Variants in BICD1 observed in about 807,000 individuals in gnomAD.
BICD1 encodes the protein protein bicaudal D homolog 1.
BICD1 carries 35 observed loss-of-function variants against 92.5 expected under a neutral mutation model. That is an observed-to-expected ratio of 0.38 (90% CI 0.29 to 0.50). The LOEUF is 0.50. Among genes scored for constraint, BICD1 ranks in the 20% least tolerant of loss-of-function variants. The pLI, the probability that BICD1 is intolerant of heterozygous loss-of-function variation, is 0.93. For synonymous variants in BICD1, 429 were observed against 465.1 expected, an observed-to-expected ratio of 0.92 and a Z score of 1.00; for missense variants, 950 against 1,189.8, an observed-to-expected ratio of 0.80 and a Z score of 2.97.
intron 1 of BICD1, among the ~76,000 whole-genome samples, chr12:32,116,621 G>C (rs1213373903): frequency 1.3e-5 from 2 of 151,410 alleles, no homozygotes; most frequent in Admixed American, 6.6e-5. Flanking sequence ...ACAGGTTCAA[G>C]TAATCCTCCC....
chr12:32,242,652 G>C (rs1946268746), intron 2 of BICD1, among the ~76,000 whole-genome samples: 1 of 152,102 alleles, frequency 6.6e-6, no homozygotes, highest in Non-Finnish European at 1.5e-5. Context: ...TTTGTTTTTA[G>C]AGCTTAATCC....
At chr12:32,356,497 T>TA (rs1471687260) in intron 8 of BICD1, among the ~76,000 whole-genome samples, 2 of 151,744 alleles carry the variant, frequency 1.3e-5, no homozygotes, top group African/African-American at 4.8e-5. Flanking sequence ...ACAAAAGTTT[T>TA]AAAAAATTAG....
chr12:32,232,472 C>T (rs10844155), intron 2 of BICD1, among the ~76,000 whole-genome samples: 61,514 of 145,934 alleles, frequency 0.42, 13,292 homozygotes, highest in Middle Eastern at 0.49. Flanking sequence ...GAGTTCATTG[C>T]AGATTCTGGA....
intron 2 of BICD1, among the ~76,000 whole-genome samples, chr12:32,292,694 C>T (rs1302202656): frequency 1.3e-5 from 2 of 152,042 alleles, no homozygotes; most frequent in East Asian, 3.9e-4. Flanking sequence ...TTATTTTTTT[C>T]GCATATGGAT....
intron 2 of BICD1, among the ~76,000 whole-genome samples, chr12:32,241,528 A>G (rs1002207587): frequency 1.3e-5 from 2 of 152,172 alleles, no homozygotes; most frequent in Admixed American, 1.3e-4. Flanking sequence ...TAAGGGAAGT[A>G]TTATTAATTA....
At chr12:32,356,181 G>A (rs79631111) in intron 8 of BICD1, among the ~76,000 whole-genome samples, 305 of 152,248 alleles carry the variant, frequency 2.0e-3, no homozygotes, top group East Asian at 0.019. Flanking sequence ...GGTATTTAAT[G>A]TTCTCACTTA....
intron 1 of BICD1, among the ~76,000 whole-genome samples, chr12:32,158,410 A>G (rs1451603248): frequency 6.6e-6 from 1 of 152,140 alleles, no homozygotes; most frequent in African/African-American, 2.4e-5. Flanking sequence ...GCCTGGCCCA[A>G]GCCCAGGAAT....
chr12:32,330,573 T>TAA (rs1280362484), intron 5 of BICD1, among the ~76,000 whole-genome samples: 2 of 138,434 alleles, frequency 1.4e-5, no homozygotes, highest in East Asian at 3.1e-4. Flanking sequence ...TAAAGTAAAT[T>TAA]AAAATATATA....
At chr12:32,242,304 T>A (rs974901279) in intron 2 of BICD1, among the ~76,000 whole-genome samples, 6 of 147,856 alleles carry the variant, frequency 4.1e-5, no homozygotes, top group Non-Finnish European at 7.4e-5. Context: ...GGCAGGTGGA[T>A]CGCTTGAGGT....
Position 32,327,940 on chromosome 12 carries a change from C to A in BICD1, c.1485C>A (p.Asn495Lys). 6.2e-7 allele frequency: 1 copy of A among 1,614,106 alleles called. No individual in the cohort carries two copies. The highest frequency in any genetic ancestry group is 8.5e-7 in the Non-Finnish European group (1 of 1,180,020). ...TGCAAAAGATGACCAGCATAGCCAA[C>A]GAAAATCACAGTACCCTTAATACGG... Reference protein sequence around the residue: ...KELQKMTSIANENHSTLNTAQ... With the variant: ...KELQKMTSIAKENHSTLNTAQ... The change falls in exon 5 of 10, where the codon AAC becomes AAA. Residue 495 changes from asparagine to lysine, a missense_variant. By Grantham distance (94) the Asn-to-Lys change is moderately conservative. This residue lies in a region of BICD1 where 309 missense variants were observed against 499.4 expected (regional missense o/e 0.62). Transcript: ENST00000652176.
intron 1 of BICD1, among the ~76,000 whole-genome samples, chr12:32,170,704 A>T (rs1282478871): frequency 6.6e-6 from 1 of 152,194 alleles, no homozygotes; most frequent in Non-Finnish European, 1.5e-5. Flanking sequence ...TGGAGCATTG[A>T]ATTTCAGAGT....
At chr12:32,269,991 A>AC (rs1227336198) in intron 2 of BICD1, among the ~76,000 whole-genome samples, 3 of 151,786 alleles carry the variant, frequency 2.0e-5, no homozygotes, top group African/African-American at 7.3e-5. Flanking sequence ...GCGTGGTGGC[A>AC]CGTACCTATA....
At chr12:32,201,150 G>T (rs1300636367) in intron 1 of BICD1, among the ~76,000 whole-genome samples, 1 of 152,232 alleles carries the variant, frequency 6.6e-6, no homozygotes, top group East Asian at 1.9e-4. Flanking sequence ...TTTCCTGAAA[G>T]AAAATCTCCT....
At chr12:32,264,176 T>G (rs997205415) in intron 2 of BICD1, among the ~76,000 whole-genome samples, 2 of 152,346 alleles carry the variant, frequency 1.3e-5, no homozygotes, top group Admixed American at 6.5e-5. Context: ...AGTAAATGAA[T>G]TATTATGTAC....
Position 32,318,151 on chromosome 12 carries a change from C to T in BICD1, c.1006-9310C>T, listed in dbSNP as rs1284897126. 3.3e-5 allele frequency among the ~76,000 whole-genome samples: 5 copies of T among 152,092 alleles called. No individual in the cohort carries two copies. The East Asian group carries it at 9.6e-4, about 29-fold the overall frequency. On this transcript the variant is annotated intron_variant, in intron 4 of 9. Transcript: ENST00000652176. ...AGTTTGAAGTCAGGTAGCCTGATGC[C>T]TCCAGCTTTGTTCTTTTGGCTTAGG...
At chr12:32,177,807 A>T (rs139459486) in intron 1 of BICD1, among the ~76,000 whole-genome samples, 7 of 111,596 alleles carry the variant, frequency 6.3e-5, no homozygotes, top group Non-Finnish European at 9.9e-5. Context: ...ATAAATATTT[A>T]TATAAAATAT....
chr12:32,299,818 G>C (rs1476532655), intron 3 of BICD1, among the ~76,000 whole-genome samples: 2 of 152,168 alleles, frequency 1.3e-5, no homozygotes, highest in Non-Finnish European at 2.9e-5. Context: ...GGTCTTACAG[G>C]AAGTCTAGGC....
intron 1 of BICD1, among the ~76,000 whole-genome samples, chr12:32,208,484 C>G (rs746391782): frequency 1.3e-5 from 2 of 152,172 alleles, no homozygotes; most frequent in Non-Finnish European, 2.9e-5. Flanking sequence ...GTTGGTCCAC[C>G]TCAGGAGCCC....
At chr12:32,339,999 C>G (rs903611775) in intron 8 of BICD1, 1 of 870,616 alleles carries the variant, frequency 1.1e-6, no homozygotes, top group Non-Finnish European at 1.4e-6. Context: ...AGTCACCACT[C>G]CTCCTTATTA....
Sources: allele counts gnomAD v4.1 joint callset (sites outside exome capture counted in the v4.1 genomes callset), GRCh38; gene constraint gnomAD v4.1.1; regional missense constraint gnomAD v4.1.1; transcripts MANE v1.5; gene names NCBI Gene and HGNC (gene_info 2026-07-23, HGNC 2026-07-21).